ERI3: variants seen among roughly 807,000 people sequenced by gnomAD.
ERI3 encodes the protein ERI1 exoribonuclease family member 3, also known as ERI1 exoribonuclease 3.
Under a neutral mutation model 44.4 loss-of-function variants are expected in ERI3, and 18 were observed. That is an observed-to-expected ratio of 0.41 (90% CI 0.28 to 0.60). The LOEUF (loss-of-function observed/expected upper bound fraction) is 0.60, where lower values mean the gene tolerates loss of function less well. ERI3 is among the 20% of genes least tolerant of loss of function. The pLI is 0.36. For missense variants in ERI3, 294 were observed against 435.5 expected (o/e 0.68, Z 2.89); for synonymous variants, 183 against 164.8 (o/e 1.11, Z -0.84).
chr1:44,315,805 G>A (rs936326170), intron 4 of ERI3, among the ~76,000 whole-genome samples: 1 of 152,216 alleles, frequency 6.6e-6, no homozygotes, highest in Non-Finnish European at 1.5e-5. Context: ...CTCCAAGGAT[G>A]GACCACCCCT....
chr1:44,344,177 G>A (rs1285569777), intron 2 of ERI3, among the ~76,000 whole-genome samples: 2 of 151,714 alleles, frequency 1.3e-5, no homozygotes, highest in Non-Finnish European at 2.9e-5. Context: ...GGCAGGGTTT[G>A]CAGTGAACTG....
Position 44,354,617 on chromosome 1 carries a change from C to T in ERI3, c.135+275G>A, listed in dbSNP as rs945216106. 12 of 985,444 alleles carry T rather than the reference C, an allele frequency of 1.2e-5. No individual in the cohort carries two copies. The South Asian group carries it at 3.8e-4, about 31-fold the overall frequency. The allele number at this position is 985,444 out of a possible 1,614,324, so 61.0% of individuals were successfully genotyped here. ...GAGGGTCAAGGGAATGTTCTACCCA[C>T]AATCTCCATGCTCCATTTCTAGCCT... On this transcript the variant is annotated intron_variant, in intron 1 of 8. Coordinates refer to ENST00000372257, the MANE Select transcript of ERI3 (RefSeq NM_024066.3).
intron 7 of ERI3, among the ~76,000 whole-genome samples, chr1:44,251,808 T>C (rs1474257182): frequency 6.6e-6 from 1 of 152,172 alleles, no homozygotes; most frequent in Non-Finnish European, 1.5e-5. Flanking sequence ...GGCAGCAACA[T>C]GGCATCAAGG....
intron 7 of ERI3, among the ~76,000 whole-genome samples, chr1:44,280,336 G>A (rs966019790): frequency 6.6e-6 from 1 of 152,114 alleles, no homozygotes; most frequent in Non-Finnish European, 1.5e-5. Context: ...TAGCAGAACT[G>A]ACTAAACCAT....
rs1394657124 is a variant in ERI3, at chr1:44,332,252, C to T, written c.489+6793G>A. ...GATTTCACTCACCATTTATCAATGGCCCTATTCTTTAGAGCTCTTCCCCAC... is the reference window on the plus strand; with the variant it reads ...GATTTCACTCACCATTTATCAATGGTCCTATTCTTTAGAGCTCTTCCCCAC... On this transcript the variant is annotated intron_variant, in intron 3 of 8. Coordinates refer to ENST00000372257, the MANE Select transcript of ERI3 (RefSeq NM_024066.3). 2.0e-5 allele frequency among the ~76,000 whole-genome samples: 3 copies of T among 152,100 alleles called. No homozygotes were observed. The East Asian group carries it at 5.8e-4, about 29-fold the overall frequency.
intron 7 of ERI3, among the ~76,000 whole-genome samples, chr1:44,265,795 C>T (rs868463200): frequency 2.6e-5 from 4 of 152,088 alleles, no homozygotes; most frequent in South Asian, 2.1e-4. Flanking sequence ...AAACCACATA[C>T]AAGAAGTTCC....
intron 6 of ERI3, among the ~76,000 whole-genome samples, chr1:44,300,208 G>A (rs559897000): frequency 1.3e-5 from 2 of 152,306 alleles, no homozygotes; most frequent in East Asian, 3.9e-4. Flanking sequence ...TGAACATCTT[G>A]AAGCCTGATC....
At position 44,249,452 on chromosome 1, in the gene ERI3, G is replaced by A. The variant is rs186684347; in HGVS notation, c.832-1414C>T. Among the ~76,000 whole-genome samples, 219 of 152,310 alleles carry A rather than the reference G, an allele frequency of 1.4e-3. 1 individual carries two copies. Among genetic ancestry groups the A allele is most frequent in the African/African-American group, 5.0e-3 (209 of 41,562 alleles). ...CACAGTGTCTGTGCCAGGGCCCAGGGCCCAGATTCTGTGTCCACCCTTCCT... is the reference window on the plus strand; with the variant it reads ...CACAGTGTCTGTGCCAGGGCCCAGGACCCAGATTCTGTGTCCACCCTTCCT... On this transcript the variant is annotated intron_variant, in intron 7 of 8. Coordinates refer to ENST00000372257, the MANE Select transcript of ERI3 (RefSeq NM_024066.3).
intron 8 of ERI3, among the ~76,000 whole-genome samples, chr1:44,229,013 C>T (rs963201098): frequency 1.3e-5 from 2 of 152,200 alleles, no homozygotes; most frequent in African/African-American, 4.8e-5. Flanking sequence ...GAGGGTGAAT[C>T]CCACCTGCTG....
intron 6 of ERI3, among the ~76,000 whole-genome samples, chr1:44,307,306 G>A (rs1175380877): frequency 6.6e-6 from 1 of 152,114 alleles, no homozygotes; most frequent in Non-Finnish European, 1.5e-5. Context: ...CTTACAAAGG[G>A]CCTTGGTGAG....
At chr1:44,250,492 G>A (rs1052643102) in intron 7 of ERI3, among the ~76,000 whole-genome samples, 6 of 152,226 alleles carry the variant, frequency 3.9e-5, no homozygotes, top group Admixed American at 2.6e-4. Flanking sequence ...GGAGGGCCAG[G>A]CTGGACCAGG....
intron 3 of ERI3, among the ~76,000 whole-genome samples, chr1:44,330,044 C>A (rs1333849961): frequency 6.6e-6 from 1 of 152,226 alleles, no homozygotes; most frequent in Non-Finnish European, 1.5e-5. Context: ...TCAAGTACTG[C>A]ATCCGTACCA....
intron 7 of ERI3, among the ~76,000 whole-genome samples, chr1:44,253,102 T>G (rs1440322510): frequency 6.6e-6 from 1 of 152,182 alleles, no homozygotes; most frequent in African/African-American, 2.4e-5. Flanking sequence ...GAAGAGAAAG[T>G]CTGGCAGACA....
chr1:44,263,687 A>T (rs1644935777), intron 7 of ERI3, among the ~76,000 whole-genome samples: 4 of 152,206 alleles, frequency 2.6e-5, no homozygotes, highest in African/African-American at 9.7e-5. Flanking sequence ...AGAGGAGTAT[A>T]GGCTTGGGCT....
At position 44,235,001 on chromosome 1, in the gene ERI3, C is replaced by G. The variant is rs966855726; in HGVS notation, c.931+12938G>C. Among the ~76,000 whole-genome samples the G allele has an allele frequency of 1.3e-5, 2 of 152,134 alleles. No individual in the cohort carries two copies. Among genetic ancestry groups the G allele is most frequent in the South Asian group, 2.1e-4 (1 of 4,834 alleles). On this transcript the variant is annotated intron_variant, in intron 8 of 8. Coordinates refer to ENST00000372257, the MANE Select transcript of ERI3 (RefSeq NM_024066.3). The surrounding 1 kb of genome is among the most constrained non-coding windows in gnomAD (Gnocchi z 4.6). ...TGTAAGATGTTAACATGAGGGAAAG[C>G]TGGGTAAGGGATACATAGAAACTTT...
At chr1:44,246,898 C>G (rs76677260) in intron 8 of ERI3, among the ~76,000 whole-genome samples, 1,867 of 152,262 alleles carry the variant, frequency 0.012, 72 homozygotes, top group East Asian at 0.068. Context: ...CAGTCCCCCC[C>G]CACAATGATG....
At chr1:44,256,892 G>A (rs1317777747) in intron 7 of ERI3, 5 of 152,268 alleles carry the variant, frequency 3.3e-5, no homozygotes, top group Non-Finnish European at 7.3e-5. Context: ...AATAAGATAA[G>A]TAGCTCCTGA....
chr1:44,339,013 C>CA, intron 3 of ERI3, 32 bp downstream of exon 3: 3 of 1,601,474 alleles, frequency 1.9e-6, no homozygotes, highest in East Asian at 2.2e-5. Flanking sequence ...TTGCCCCCCC[C>CA]ACCTTTTCTA....
At chr1:44,249,187 A>G (rs1644620858) in intron 7 of ERI3, among the ~76,000 whole-genome samples, 1 of 152,130 alleles carries the variant, frequency 6.6e-6, no homozygotes, top group Admixed American at 6.5e-5. Flanking sequence ...GTCCCCAAAC[A>G]CCAGGCTGCC....
Sources: allele counts gnomAD v4.1 joint callset (sites outside exome capture counted in the v4.1 genomes callset), GRCh38; gene constraint gnomAD v4.1.1; non-coding constraint Gnocchi (gnomAD v3.1); transcripts MANE v1.5; gene names NCBI Gene and HGNC (gene_info 2026-07-23, HGNC 2026-07-21).